The following COX10 variants were observed in gnomAD, a reference collection of about 807,000 sequenced individuals.
The protein encoded by COX10 is protoheme IX farnesyltransferase, mitochondrial.
In COX10, 27 loss-of-function variants were observed where a neutral mutation model predicts 37.3. The ratio of observed to expected loss-of-function variants is 0.72; its 90% CI spans 0.53 to 1.00. The LOEUF (loss-of-function observed/expected upper bound fraction) is 1.00. Among genes scored for constraint, COX10 ranks in the 50% least tolerant of loss-of-function variants. The pLI is 0.00. For synonymous variants in COX10, 222 were observed against 229.1 expected (o/e 0.97, Z 0.28); for missense variants, 475 against 563.2 (o/e 0.84, Z 1.59).
intron 3 of COX10, among the ~76,000 whole-genome samples, chr17:14,081,603 A>C (rs1305137363): frequency 6.6e-6 from 1 of 152,114 alleles, no homozygotes; most frequent in East Asian, 1.9e-4. Context: ...TGGCTAGCTG[A>C]CTGACCTTGT....
intron 3 of COX10, among the ~76,000 whole-genome samples, chr17:14,090,408 A>G (rs1915500917): frequency 6.6e-6 from 1 of 152,210 alleles, no homozygotes; most frequent in Non-Finnish European, 1.5e-5. Flanking sequence ...AAACCTTTCC[A>G]AAATGTATAT....
chr17:14,199,053 A>G (rs1401801472), intron 6 of COX10, among the ~76,000 whole-genome samples: 1 of 152,004 alleles, frequency 6.6e-6, no homozygotes, highest in Non-Finnish European at 1.5e-5. Context: ...TTAGAACACT[A>G]TATTCTCTTG....
At chr17:14,127,880 C>T (rs1916378666) in intron 4 of COX10, among the ~76,000 whole-genome samples, 1 of 149,952 alleles carries the variant, frequency 6.7e-6, no homozygotes, top group Non-Finnish European at 1.5e-5. Context: ...TAATTTTTTT[C>T]AAAAGTTGCA....
At chr17:14,122,034 C>T (rs1916240927) in intron 4 of COX10, among the ~76,000 whole-genome samples, 1 of 152,014 alleles carries the variant, frequency 6.6e-6, no homozygotes, top group Admixed American at 6.6e-5. Flanking sequence ...TTGCCCAGCT[C>T]TAAAGAGTTG....
At chr17:14,182,185 T>C in intron 5 of COX10, 1 of 953,572 alleles carries the variant, frequency 1.0e-6, no homozygotes, top group Non-Finnish European at 1.2e-6. Context: ...TCGCAGCTAC[T>C]CAGGAGGCTG....
intron 4 of COX10, among the ~76,000 whole-genome samples, chr17:14,145,342 C>T (rs965887071): frequency 2.0e-5 from 3 of 152,088 alleles, no homozygotes; most frequent in East Asian, 3.8e-4. Flanking sequence ...TATAAGGTGT[C>T]TTTTTCCAGC....
At chr17:14,153,024 G>A (rs914325449) in intron 4 of COX10, among the ~76,000 whole-genome samples, 9 of 152,084 alleles carry the variant, frequency 5.9e-5, no homozygotes, top group Admixed American at 2.0e-4. Flanking sequence ...CATTTCCAAC[G>A]TCCACATCTC....
At chr17:14,184,903 A>G (rs1307193927) in intron 5 of COX10, among the ~76,000 whole-genome samples, 1 of 149,894 alleles carries the variant, frequency 6.7e-6, no homozygotes, top group East Asian at 2.0e-4. Flanking sequence ...ATTCCTAACA[A>G]GTTCCCAGGT....
intron 5 of COX10, among the ~76,000 whole-genome samples, chr17:14,179,452 G>A (rs1193447471): frequency 6.6e-6 from 1 of 152,170 alleles, no homozygotes; most frequent in Non-Finnish European, 1.5e-5. Flanking sequence ...AGCACTGTCA[G>A]TTTTGTTTTT....
At chr17:14,093,453 T>G (rs1915572534) in intron 3 of COX10, among the ~76,000 whole-genome samples, 1 of 152,168 alleles carries the variant, frequency 6.6e-6, no homozygotes, top group Non-Finnish European at 1.5e-5. Flanking sequence ...AAACAAATTC[T>G]TGATAAAGTT....
chr17:14,076,675 A>G, intron 2 of COX10, 60 bp from the exon 3 acceptor site: 1 of 1,524,110 alleles, frequency 6.6e-7, no homozygotes, highest in Non-Finnish European at 9.1e-7. Context: ...ATGTTGCTAA[A>G]TAACCATTTG....
chr17:14,162,617 C>A (rs1228456377), intron 5 of COX10, among the ~76,000 whole-genome samples: 1 of 57,318 alleles, frequency 1.7e-5, no homozygotes, highest in Non-Finnish European at 3.2e-5. Flanking sequence ...TCAAAACTAT[C>A]CCTGCTTTTT....
intron 3 of COX10, among the ~76,000 whole-genome samples, chr17:14,079,715 A>G (rs959214392): frequency 6.6e-6 from 1 of 152,192 alleles, no homozygotes; most frequent in African/African-American, 2.4e-5. Flanking sequence ...TATATTTTAA[A>G]CTAAGAAAGT....
chr17:14,148,608 T>C (rs1353166364), intron 4 of COX10, among the ~76,000 whole-genome samples: 1 of 152,200 alleles, frequency 6.6e-6, no homozygotes, highest in East Asian at 1.9e-4. Context: ...TCTAGAAGAA[T>C]GTTGTGACCA....
intron 5 of COX10, among the ~76,000 whole-genome samples, chr17:14,172,184 A>G (rs1166756872): frequency 6.6e-6 from 1 of 152,134 alleles, no homozygotes; most frequent in African/African-American, 2.4e-5. Flanking sequence ...GACAAAACAC[A>G]TATCTTTGCT....
chr17:14,125,657 G>GGACTTCACGGCTAAT (rs1465547714), intron 4 of COX10, among the ~76,000 whole-genome samples: 1 of 152,124 alleles, frequency 6.6e-6, no homozygotes, highest in African/African-American at 2.4e-5. Flanking sequence ...TTCTCAGAGA[G>GGACTTCACGGCTAAT]GACTTCACGG....
At chr17:14,169,405 T>G (rs1473408840) in intron 5 of COX10, among the ~76,000 whole-genome samples, 1 of 152,168 alleles carries the variant, frequency 6.6e-6, no homozygotes, top group African/African-American at 2.4e-5. Flanking sequence ...GCCCTTCAAA[T>G]TTTTCCAAGC....
At chr17:14,146,737 C>T (rs955556221) in intron 4 of COX10, among the ~76,000 whole-genome samples, 3 of 152,050 alleles carry the variant, frequency 2.0e-5, no homozygotes, top group African/African-American at 4.8e-5. Flanking sequence ...TGCAAACTAC[C>T]CATCTGACAA....
chr17:14,153,944 G>A (rs2323094), intron 4 of COX10, among the ~76,000 whole-genome samples: 151,457 of 152,356 alleles, frequency 0.99, 75,294 homozygotes, highest in Middle Eastern at 1. Flanking sequence ...ATTACTCAGC[G>A]ATAAAAAGGA....
Sources: gnomAD v4.1 joint callset for allele counts (sites outside exome capture counted in the v4.1 genomes callset) on GRCh38, gnomAD v4.1.1 for gene constraint, MANE v1.5 for transcripts, NCBI Gene and HGNC (gene_info 2026-07-23, HGNC 2026-07-21) for gene names.